Variants in PTPRK observed in about 807,000 individuals in gnomAD.
The protein encoded by PTPRK is receptor-type tyrosine-protein phosphatase kappa.
In PTPRK, 75 loss-of-function variants were observed where a neutral mutation model predicts 178.0. The observed-to-expected ratio is 0.42, with a 90% CI of 0.35 to 0.51. PTPRK has a LOEUF of 0.51. PTPRK is among the 20% of genes least tolerant of loss of function. The pLI is 0.02. For synonymous variants in PTPRK, 637 were observed against 620.6 expected (o/e 1.03, Z -0.39); for missense variants, 1,441 against 1,797.8 (o/e 0.80, Z 3.59).
intron 7 of PTPRK, among the ~76,000 whole-genome samples, chr6:128,112,153 A>G (rs1790776387): frequency 6.6e-6 from 1 of 152,102 alleles, no homozygotes; most frequent in Non-Finnish European, 1.5e-5. Context: ...TGTTAATTTT[A>G]GAAACTGACT....
At chr6:128,507,857 A>T (rs1856595845) in intron 1 of PTPRK, among the ~76,000 whole-genome samples, 1 of 152,100 alleles carries the variant, frequency 6.6e-6, no homozygotes, top group Admixed American at 6.6e-5. Context: ...CAGAAAACAA[A>T]TGTGCTCTCT....
chr6:128,449,694 A>G (rs1164854077), intron 1 of PTPRK, among the ~76,000 whole-genome samples: 1 of 152,192 alleles, frequency 6.6e-6, no homozygotes, highest in African/African-American at 2.4e-5. Context: ...ATTAGGTGCT[A>G]TGTTAACTCA....
At chr6:128,142,620 T>G (rs1016063056) in intron 7 of PTPRK, among the ~76,000 whole-genome samples, 3 of 151,816 alleles carry the variant, frequency 2.0e-5, no homozygotes, top group Admixed American at 6.6e-5. Context: ...ACATATTTCT[T>G]ACAGATAAAA....
At chr6:128,045,973 A>G (rs1419588841) in intron 13 of PTPRK, among the ~76,000 whole-genome samples, 1 of 152,178 alleles carries the variant, frequency 6.6e-6, no homozygotes, top group Middle Eastern at 3.2e-3. Context: ...ACAGGTTGAA[A>G]ATAATCTATT....
At chr6:128,077,571 C>T (rs1784065769) in intron 11 of PTPRK, among the ~76,000 whole-genome samples, 1 of 149,772 alleles carries the variant, frequency 6.7e-6, no homozygotes, top group Admixed American at 6.6e-5. Context: ...AAATGTATTC[C>T]TTTTACACAA....
At chr6:128,104,871 T>C (rs905320438) in intron 7 of PTPRK, among the ~76,000 whole-genome samples, 7 of 152,152 alleles carry the variant, frequency 4.6e-5, no homozygotes, top group African/African-American at 1.7e-4. Flanking sequence ...TGAAATCAAC[T>C]GAGAGGAGAG....
At chr6:128,257,278 G>T (rs187982653) in intron 3 of PTPRK, among the ~76,000 whole-genome samples, 64 of 149,880 alleles carry the variant, frequency 4.3e-4, no homozygotes, top group African/African-American at 1.5e-3. Flanking sequence ...ACCTTATCTT[G>T]CATGGACTTC....
At chr6:128,049,250 T>C (rs1778594440) in intron 13 of PTPRK, among the ~76,000 whole-genome samples, 3 of 152,170 alleles carry the variant, frequency 2.0e-5, no homozygotes, top group Non-Finnish European at 4.4e-5. Flanking sequence ...TAACAAGGTT[T>C]GTTCTAAAAA....
chr6:128,298,670 C>A lies in PTPRK; in HGVS notation c.495+23369G>T, dbSNP rs555899533. ...AAAGGCCGTTGACAAAATTCAATAA[C>A]CCTTCATGCTAAAAACTCTCAATAA... On this transcript the variant is annotated intron_variant, in intron 3 of 29. Transcript: ENST00000368226. 3.9e-3 allele frequency among the ~76,000 whole-genome samples: 593 copies of A among 152,150 alleles called. 3 individuals carry two copies. Among genetic ancestry groups the A allele is most frequent in the African/African-American group, 0.013 (552 of 41,492 alleles).
At chr6:127,977,324 C>T (rs1405511192) in intron 25 of PTPRK, among the ~76,000 whole-genome samples, 2 of 152,106 alleles carry the variant, frequency 1.3e-5, no homozygotes, top group East Asian at 1.9e-4. Flanking sequence ...TACTGAAAGA[C>T]GTAAATACAG....
At chr6:128,144,899 A>C (rs1796258608) in intron 7 of PTPRK, among the ~76,000 whole-genome samples, 1 of 152,150 alleles carries the variant, frequency 6.6e-6, no homozygotes, top group Admixed American at 6.6e-5. Context: ...ATTTTGTCAC[A>C]ATAACATATG....
intron 2 of PTPRK, among the ~76,000 whole-genome samples, chr6:128,324,846 C>A (rs1298652801): frequency 6.6e-6 from 1 of 152,252 alleles, no homozygotes; most frequent in African/African-American, 2.4e-5. Context: ...CTTCCATCAT[C>A]CCAAACACAG....
intron 1 of PTPRK, among the ~76,000 whole-genome samples, chr6:128,466,473 A>C (rs957353664): frequency 1.3e-5 from 2 of 152,232 alleles, no homozygotes; most frequent in Admixed American, 1.3e-4. Flanking sequence ...TGCATAATGT[A>C]CAAGAGCCTC....
chr6:128,007,929 CTT>C lies in PTPRK; in HGVS notation c.2333+1199_2333+1200del. 5.0e-6 allele frequency: 3 copies of C among 603,104 alleles called. No individual in the cohort carries two copies. In the East Asian group the frequency reaches 2.1e-4, roughly 41 times the overall value. 37.4% of individuals were successfully genotyped at this position (603,104 alleles called of 1,614,324 possible). ...ATTTTTATTGCTAAAATACTTAAAA[CTT>C]TTGCCTCACATATGATGTATTTTCC... On this transcript the variant is annotated intron_variant, in intron 14 of 29. Coordinates refer to ENST00000368226, the MANE Select transcript of PTPRK (RefSeq NM_002844.4).
chr6:128,268,328 A>G (rs1349271434), intron 3 of PTPRK, among the ~76,000 whole-genome samples: 2 of 152,030 alleles, frequency 1.3e-5, no homozygotes, highest in Non-Finnish European at 2.9e-5. Flanking sequence ...GATGACTTAA[A>G]TTAACTCACA....
intron 6 of PTPRK, among the ~76,000 whole-genome samples, chr6:128,185,898 C>T (rs1308843150): frequency 6.6e-6 from 1 of 152,004 alleles, no homozygotes; most frequent in African/African-American, 2.4e-5. Flanking sequence ...CAGGTTTTAC[C>T]TTCTTATGCA....
chr6:128,325,740 C>A (rs1181092922), intron 2 of PTPRK, among the ~76,000 whole-genome samples: 2 of 152,106 alleles, frequency 1.3e-5, no homozygotes, highest in Non-Finnish European at 2.9e-5. Context: ...ATTAGTTCAA[C>A]CATTGTGGAA....
intron 7 of PTPRK, among the ~76,000 whole-genome samples, chr6:128,106,424 A>G (rs1437462006): frequency 6.6e-6 from 1 of 152,186 alleles, no homozygotes; most frequent in Non-Finnish European, 1.5e-5. Context: ...ATGTCAAGCT[A>G]AATAATTTTG....
At chr6:127,974,088 T>C (rs1275304941) in intron 27 of PTPRK, among the ~76,000 whole-genome samples, 2 of 152,192 alleles carry the variant, frequency 1.3e-5, no homozygotes, top group African/African-American at 4.8e-5. Flanking sequence ...CTAAATAACT[T>C]TCAGATTCAT....
Sources: allele counts gnomAD v4.1 joint callset (sites outside exome capture counted in the v4.1 genomes callset), GRCh38; gene constraint gnomAD v4.1.1; transcripts MANE v1.5; gene names NCBI Gene and HGNC (gene_info 2026-07-23, HGNC 2026-07-21).